OTUD4: variants seen among roughly 807,000 people sequenced by gnomAD.
The protein encoded by OTUD4 is OTU deubiquitinase 4, also known as OTU domain-containing protein 4.
Under a neutral mutation model 130.4 loss-of-function variants are expected in OTUD4, and 24 were observed. The ratio of observed to expected loss-of-function variants is 0.18; its 90% CI spans 0.13 to 0.26. The LOEUF (loss-of-function observed/expected upper bound fraction) is 0.26. Among genes scored for constraint, OTUD4 ranks in the 10% least tolerant of loss-of-function variants. The pLI is 1.00. For synonymous variants in OTUD4, 420 were observed against 472.5 expected (o/e 0.89, Z 1.44); for missense variants, 1,031 against 1,329.4 (o/e 0.78, Z 3.49).
At chr4:145,171,367 AC>A (rs1752157146) in intron 3 of OTUD4, 1 of 240,724 alleles carries the variant, frequency 4.2e-6, no homozygotes, top group Non-Finnish European at 7.9e-6. Context: ...CAAGTTCCAT[AC>A]ACACACCAAC....
chr4:145,142,416 C>T (rs1476012639), intron 17 of OTUD4, 82 bp from the exon 18 acceptor site: 49 of 1,214,134 alleles, frequency 4.0e-5, no homozygotes, highest in Non-Finnish European at 5.4e-5. Flanking sequence ...CCACCAGATA[C>T]ATATTGAGTT....
intron 20 of OTUD4, among the ~76,000 whole-genome samples, chr4:145,139,296 G>C (rs904793825): frequency 6.6e-6 from 1 of 152,158 alleles, no homozygotes; most frequent in Non-Finnish European, 1.5e-5. Context: ...TTTTATGAAA[G>C]TGGTCAGCAG....
intron 1 of OTUD4, among the ~76,000 whole-genome samples, chr4:145,175,572 T>A (rs574406938): frequency 2.5e-3 from 374 of 150,724 alleles, no homozygotes; most frequent in Non-Finnish European, 4.0e-3. Flanking sequence ...TGAGACGGAG[T>A]CCTGCTCTGT....
chr4:145,151,847 T>C (rs1042925730), intron 11 of OTUD4, among the ~76,000 whole-genome samples: 3 of 152,182 alleles, frequency 2.0e-5, no homozygotes, highest in Non-Finnish European at 4.4e-5. Context: ...TGCTCTAAAA[T>C]AACACTGTAT....
chr4:145,141,867 GGGGCT>G (rs1294752256), intron 18 of OTUD4, among the ~76,000 whole-genome samples: 1 of 152,128 alleles, frequency 6.6e-6, no homozygotes, highest in Non-Finnish European at 1.5e-5. Flanking sequence ...TGTAGGACAT[GGGGCT>G]GGTCAAGGGG....
At chr4:145,157,412 G>A (rs1044087426) in intron 7 of OTUD4, among the ~76,000 whole-genome samples, 1 of 152,162 alleles carries the variant, frequency 6.6e-6, no homozygotes, top group Non-Finnish European at 1.5e-5. Flanking sequence ...TACAAAAAAG[G>A]CCGCAGAGGC....
At chr4:145,145,969 G>C (rs187459490) in intron 14 of OTUD4, 6 of 184,980 alleles carry the variant, frequency 3.2e-5, no homozygotes, top group African/African-American at 1.4e-4. Flanking sequence ...CTACTACACA[G>C]TACTTTTGCT....
At chr4:145,171,583 T>G in intron 3 of OTUD4, 87 bp downstream of exon 3, 2 of 701,672 alleles carry the variant, frequency 2.9e-6, no homozygotes, top group Non-Finnish European at 2.5e-6. Context: ...CTCTATACAC[T>G]GTAATAGTAA....
intron 14 of OTUD4, 22 bp from the exon 15 acceptor site, chr4:145,144,456 A>G (rs1402839847): frequency 6.2e-7 from 1 of 1,601,778 alleles, no homozygotes; most frequent in Admixed American, 1.7e-5. Context: ...ACAAAACCCA[A>G]CATTTTGTGT....
At chr4:145,152,889 T>C (rs1751130662) in intron 10 of OTUD4, among the ~76,000 whole-genome samples, 1 of 151,534 alleles carries the variant, frequency 6.6e-6, no homozygotes. Flanking sequence ...CTCGGCTTTT[T>C]TTTTTTTTCT....
intron 3 of OTUD4, among the ~76,000 whole-genome samples, chr4:145,168,401 AAAAT>A (rs1227725520): frequency 1.2e-5 from 1 of 80,142 alleles, no homozygotes; most frequent in African/African-American, 4.6e-5. Context: ...ATAAATAAAT[AAAAT>A]AAAAAATTAA....
At chr4:145,153,639 A>C (rs917069595) in intron 10 of OTUD4, among the ~76,000 whole-genome samples, 2 of 152,242 alleles carry the variant, frequency 1.3e-5, no homozygotes, top group African/African-American at 4.8e-5. Flanking sequence ...ACGCAGTTGT[A>C]AATCCATGAT....
At chr4:145,174,562 C>T in intron 2 of OTUD4, 99 bp downstream of exon 2, 1 of 693,380 alleles carries the variant, frequency 1.4e-6, no homozygotes, top group East Asian at 2.6e-5. Flanking sequence ...TCATAACCCG[C>T]ATTAAGATCC....
At chr4:145,142,726 G>A (rs36226674) in intron 17 of OTUD4, among the ~76,000 whole-genome samples, 1 of 152,220 alleles carries the variant, frequency 6.6e-6, no homozygotes, top group Admixed American at 6.5e-5. Flanking sequence ...TTTAAGGCAA[G>A]TGAGCAAAAT....
intron 13 of OTUD4, among the ~76,000 whole-genome samples, chr4:145,149,179 GAC>G (rs1307696525): frequency 6.6e-6 from 1 of 152,166 alleles, no homozygotes. Context: ...AGAAGAGACA[GAC>G]ACAGACACAT....
chr4:145,137,910 A>T lies in OTUD4; in HGVS notation c.2865T>A (p.Pro955=). The change falls in exon 21 of 21, where the codon CCT becomes CCA. Residue 955 remains proline, a synonymous_variant. Transcript: ENST00000447906. ...KADTALASIP[P]VAEGKAHPPT... is the part of the protein sequence containing the mutation. ...GAGGATGAGCCTTTCCCTCTGCTAC[A>T]GGAGGGATGGAAGCCAATGCCGTAT... The T allele has an allele frequency of 6.2e-7, 1 of 1,613,900 alleles. No individual in the cohort carries two copies. The highest frequency in any genetic ancestry group is 8.5e-7 in the Non-Finnish European group (1 of 1,179,812).
At chr4:145,145,003 C>G (rs1429237317) in intron 14 of OTUD4, among the ~76,000 whole-genome samples, 1 of 152,108 alleles carries the variant, frequency 6.6e-6, no homozygotes, top group African/African-American at 2.4e-5. Flanking sequence ...TTCCACACAG[C>G]TAAGAGGAGG....
At chr4:145,166,348 G>C (rs1751872971) in intron 3 of OTUD4, among the ~76,000 whole-genome samples, 1 of 152,092 alleles carries the variant, frequency 6.6e-6, no homozygotes, top group Non-Finnish European at 1.5e-5. Flanking sequence ...CTTTCTGAAA[G>C]GCAAATGGCC....
rs1449824330 is a variant in OTUD4 at position 145,134,239 on chromosome 4, C to T, written c.*3191G>A. On this transcript the variant is annotated 3_prime_UTR_variant, in exon 21 of 21. Transcript: ENST00000447906. ...AGACATTATTAGGATTTTAAACAAA[C>T]AATAGCATTTAGACATAAAGTAGGA... is the stretch of plus-strand genomic sequence containing the variant. 1.3e-5 allele frequency: 2 copies of T among 153,286 alleles called. No homozygotes were observed. Among genetic ancestry groups the T allele is most frequent in the Non-Finnish European group, 2.9e-5 (2 of 68,554 alleles). The allele number at this position is 153,286 out of a possible 1,614,324, so 9.5% of individuals were successfully genotyped here.
Sources: gnomAD v4.1 joint callset for allele counts (sites outside exome capture counted in the v4.1 genomes callset) on GRCh38, gnomAD v4.1.1 for gene constraint, MANE v1.5 for transcripts, NCBI Gene and HGNC (gene_info 2026-07-23, HGNC 2026-07-21) for gene names.